Variants in MID2 observed in about 807,000 individuals in gnomAD.
MID2 encodes midline 2.
A neutral mutation model predicts 46.1 loss-of-function variants in MID2; 13 were observed. The ratio of observed to expected loss-of-function variants is 0.28; its 90% CI spans 0.18 to 0.45. MID2 has a LOEUF of 0.45. MID2 is among the 20% of genes least tolerant of loss of function. MID2 has a pLI of 1.00. For synonymous variants in MID2, 199 were observed against 212.3 expected (o/e 0.94, Z 0.55); for missense variants, 431 against 575.4 (o/e 0.75, Z 2.57).
intron 2 of MID2, among the ~76,000 whole-genome samples, chrX:107,852,107 G>A (rs1931640949): frequency 9.0e-6 from 1 of 111,242 alleles, no homozygotes; most frequent in Non-Finnish European, 1.9e-5. Context: ...GGCCAGGCTG[G>A]TCTTGAACTC....
At chrX:107,914,479 T>C (rs1932937324) in intron 5 of MID2, among the ~76,000 whole-genome samples, 1 of 112,293 alleles carries the variant, frequency 8.9e-6, no homozygotes, top group African/African-American at 3.2e-5. Context: ...AGAGGTGTTG[T>C]TGGTAGATGT....
At chrX:107,895,787 A>T (rs182433834) in intron 3 of MID2, 1 of 112,366 alleles carries the variant, frequency 8.9e-6, no homozygotes, top group Non-Finnish European at 1.9e-5. Flanking sequence ...AACACTGGAT[A>T]GGACTCAGAA....
At chrX:107,844,465 A>T (rs930769140) in intron 2 of MID2, among the ~76,000 whole-genome samples, 1 of 111,664 alleles carries the variant, frequency 9.0e-6, no homozygotes, top group South Asian at 3.8e-4. Flanking sequence ...CCCAATATAT[A>T]TCTTAGTTCA....
rs1602513150 is a variant in MID2, at chrX:107,926,090, TCAGGCCAACCC to T, written c.1598-3_1605del. ...TCTTTTTTTTTTTTCTACTTATTTT[TCAGGCCAACCC>T]TTTAAATTGGATCCCAAAATGACTC... On this transcript the variant is annotated splice_acceptor_variant and splice_polypyrimidine_tract_variant and coding_sequence_variant and intron_variant, in exon 9 of 10. Transcript: ENST00000262843. LOFTEE classifies it high-confidence loss of function. 1 of 1,174,597 alleles carries T rather than the reference TCAGGCCAACCC, an allele frequency of 8.5e-7. No individual in the cohort carries two copies.
At position 107,908,159 on chromosome X, in the gene MID2, C is replaced by T. The variant is rs189995195; in HGVS notation, c.1073+2533C>T. 2.7e-5 allele frequency among the ~76,000 whole-genome samples: 3 copies of T among 112,092 alleles called. No individual in the cohort carries two copies. The Admixed American group carries it at 2.8e-4, about 11-fold the overall frequency. ...CTATCAGATGTTTTTATTGGCATGA[C>T]CTTACATTTCTAAATAACATCCTTA... On this transcript the variant is annotated intron_variant, in intron 5 of 9. Coordinates refer to ENST00000262843, the MANE Select transcript of MID2 (RefSeq NM_012216.4).
In MID2 at chrX:107,878,445, TG is replaced by T. The variant is rs745646120; in HGVS notation, c.816+23744del. ...TGTTCTGAATTGCATATCTGATTGC[TG>T]GGCCAAATGTTCATTCTACTTAATA... On this transcript the variant is annotated intron_variant, in intron 3 of 9. Transcript: ENST00000262843. 5.9e-3 allele frequency among the ~76,000 whole-genome samples: 665 copies of T among 112,785 alleles called. 3 individuals are homozygous for T. The highest frequency in any genetic ancestry group is 0.023 in the Middle Eastern group (5 of 218).
At chrX:107,847,877 G>A (rs1931526863) in intron 2 of MID2, among the ~76,000 whole-genome samples, 1 of 111,043 alleles carries the variant, frequency 9.0e-6, no homozygotes, top group Non-Finnish European at 1.9e-5. Context: ...GAACATAGGA[G>A]GAATAGCAAG....
Position 107,926,158 on chromosome X carries a change from G to T in MID2, c.1662G>T (p.Leu554Phe), listed in dbSNP as rs749983502. The change falls in exon 9 of 10, where the codon TTG (leucine) becomes TTT (phenylalanine). Residue 554 changes from leucine (L) to phenylalanine (F), a missense_variant. By Grantham distance (22) the Leu-to-Phe change is conservative. Coordinates refer to ENST00000262843, the MANE Select transcript of MID2 (RefSeq NM_012216.4). Reference sequence around the variant, plus strand: ...AGTTGAAGATCTCCAATGATGGATTGCAGATGGAGAAGGATGAAAGCTCTC... The same window carrying T: ...AGTTGAAGATCTCCAATGATGGATTTCAGATGGAGAAGGATGAAAGCTCTC... ...HKKLKISNDG[L>F]QMEKDESSLK... 14 of 1,205,473 alleles carry T rather than the reference G, an allele frequency of 1.2e-5. No homozygotes were observed. In the East Asian group the frequency reaches 4.2e-4, roughly 36 times the overall value.
At chrX:107,919,367 G>T (rs190503075) in intron 7 of MID2, among the ~76,000 whole-genome samples, 4 of 111,297 alleles carry the variant, frequency 3.6e-5, no homozygotes, top group African/African-American at 1.3e-4. Flanking sequence ...AGGGAGTCAA[G>T]GTTGCAGCTT....
intron 7 of MID2, among the ~76,000 whole-genome samples, chrX:107,922,446 T>A (rs1352831456): frequency 8.9e-6 from 1 of 111,901 alleles, no homozygotes; most frequent in Non-Finnish European, 1.9e-5. Flanking sequence ...AATTTTCCCA[T>A]CTGTATTCAT....
At chrX:107,900,631 T>C (rs1050993100) in intron 3 of MID2, among the ~76,000 whole-genome samples, 2 of 111,636 alleles carry the variant, frequency 1.8e-5, no homozygotes, top group African/African-American at 6.5e-5. Flanking sequence ...AGATACCATA[T>C]TGCCTAAAAA....
chrX:107,871,808 C>T (rs1381883635), intron 3 of MID2, among the ~76,000 whole-genome samples: 1 of 111,345 alleles, frequency 9.0e-6, no homozygotes, highest in African/African-American at 3.3e-5. Context: ...ACCATAGTCC[C>T]CAATGTCCAG....
Position 107,927,454 on chromosome X carries a change from G to A in MID2, c.*381G>A, listed in dbSNP as rs139896872. 6.4e-3 allele frequency among the ~76,000 whole-genome samples: 712 copies of A among 111,332 alleles called. 3 individuals carry two copies. The highest frequency in any genetic ancestry group is 0.012 in the Non-Finnish European group (637 of 52,955). On this transcript the variant is annotated 3_prime_UTR_variant, in exon 10 of 10. Coordinates refer to ENST00000262843, the MANE Select transcript of MID2 (RefSeq NM_012216.4). ...GAGCTAGCAAGCCAGAGCGGGGGGTGGTCAGCCTTTCTAGTACTGGCCAGT... is the reference window on the plus strand; with the variant it reads ...GAGCTAGCAAGCCAGAGCGGGGGGTAGTCAGCCTTTCTAGTACTGGCCAGT...
intron 2 of MID2, among the ~76,000 whole-genome samples, chrX:107,846,544 T>G (rs1359169730): frequency 9.0e-6 from 1 of 111,348 alleles, no homozygotes; most frequent in East Asian, 2.8e-4. Flanking sequence ...ATACAATATG[T>G]GTAAATCTGT....
chrX:107,905,664 T>C, intron 5 of MID2, 38 bp downstream of exon 5: 1 of 1,106,137 alleles, frequency 9.0e-7, no homozygotes, highest in South Asian at 2.3e-5. Context: ...CCTGCTCTTG[T>C]GAAAAGAGGC....
At chrX:107,899,439 G>A (rs1297796687) in intron 3 of MID2, among the ~76,000 whole-genome samples, 3 of 111,039 alleles carry the variant, frequency 2.7e-5, no homozygotes, top group Non-Finnish European at 3.8e-5. Flanking sequence ...GGGAAGACTA[G>A]GTCTTACTCT....
At chrX:107,881,096 C>A (rs1343030373) in intron 3 of MID2, among the ~76,000 whole-genome samples, 1 of 112,964 alleles carries the variant, frequency 8.9e-6, no homozygotes. Flanking sequence ...TATACTCCCA[C>A]CAGAAATGTA....
Position 107,928,531 on chromosome X carries a change from C to T in MID2, c.*1458C>T, listed in dbSNP as rs968669161. Among the ~76,000 whole-genome samples the T allele has an allele frequency of 9.0e-6, 1 of 111,353 alleles. No individual in the cohort carries two copies. The highest frequency in any genetic ancestry group is 1.9e-5 in the Non-Finnish European group (1 of 52,962). ...TGAAAATATTACTGTTGTAAAATTA[C>T]AAAGTGGTAGCCATAACAACTCCCT... On this transcript the variant is annotated 3_prime_UTR_variant, in exon 10 of 10. Transcript: ENST00000262843.
chrX:107,858,391 A>G (rs1764846142), intron 3 of MID2, among the ~76,000 whole-genome samples: 1 of 112,364 alleles, frequency 8.9e-6, no homozygotes, highest in Non-Finnish European at 1.9e-5. Context: ...AAACCTCTGT[A>G]TAATGCATAG....
Sources: allele counts gnomAD v4.1 joint callset (sites outside exome capture counted in the v4.1 genomes callset), GRCh38; gene constraint gnomAD v4.1.1; transcripts MANE v1.5; gene names NCBI Gene and HGNC (gene_info 2026-07-23, HGNC 2026-07-21).